The following ANK1 variants were observed in gnomAD, a reference collection of about 807,000 sequenced individuals.
ANK1 encodes the protein ankyrin-1.
In ANK1, 51 loss-of-function variants were observed where a neutral mutation model predicts 210.4. The ratio of observed to expected loss-of-function variants is 0.24; its 90% CI spans 0.19 to 0.31. The LOEUF (loss-of-function observed/expected upper bound fraction) is 0.31. Ranked by LOEUF, ANK1 falls within the 10% of genes least tolerant of loss-of-function variation. The probability of loss-of-function intolerance (pLI) is 1.00; values close to 1 mark genes in which losing one functional copy is unlikely to be tolerated. For synonymous variants in ANK1, 967 were observed against 1,025.9 expected, an observed-to-expected ratio of 0.94 and a Z score of 1.10; for missense variants, 2,051 against 2,504.4, an observed-to-expected ratio of 0.82 and a Z score of 3.86.
chr8:41,758,283 C>T, intron 1 of ANK1, 146 bp from the exon 2 acceptor site: 2 of 765,816 alleles, frequency 2.6e-6, no homozygotes, highest in Non-Finnish European at 4.7e-6. Flanking sequence ...TGCACAGGAG[C>T]CTGAGAGCCC....
chr8:41,691,029 C>G (rs996688181), intron 31 of ANK1, among the ~76,000 whole-genome samples: 1 of 152,162 alleles, frequency 6.6e-6, no homozygotes, highest in South Asian at 2.1e-4. Context: ...TTGAGACCAG[C>G]CTGGGCAACA....
At chr8:41,785,669 C>T (rs1846195697) in intron 1 of ANK1, among the ~76,000 whole-genome samples, 1 of 152,220 alleles carries the variant, frequency 6.6e-6, no homozygotes, top group Non-Finnish European at 1.5e-5. Flanking sequence ...CCCCTGCTCG[C>T]TGCGCATCCC....
At chr8:41,739,287 T>C (rs1301273817) in intron 2 of ANK1, among the ~76,000 whole-genome samples, 2 of 152,254 alleles carry the variant, frequency 1.3e-5, no homozygotes, top group Non-Finnish European at 1.5e-5. Context: ...TCTGAGAAAG[T>C]GTCTTTTGTT....
chr8:41,668,071 G>A (rs373313049), intron 39 of ANK1, among the ~76,000 whole-genome samples, 196 bp downstream of exon 39: 4 of 152,344 alleles, frequency 2.6e-5, no homozygotes, highest in South Asian at 4.1e-4. Flanking sequence ...AGGTACAGGC[G>A]CCTTAGCAGG....
chr8:41,768,155 A>C (rs572833053), intron 1 of ANK1, among the ~76,000 whole-genome samples: 2 of 152,336 alleles, frequency 1.3e-5, no homozygotes, highest in African/African-American at 4.8e-5. Context: ...GGCAGATGTC[A>C]AAACCCATGT....
intron 1 of ANK1, among the ~76,000 whole-genome samples, chr8:41,768,520 A>G (rs1649828104): frequency 6.6e-6 from 1 of 152,228 alleles, no homozygotes; most frequent in Admixed American, 6.5e-5. Context: ...AGTTGGATAA[A>G]TGAAGAAACT....
chr8:41,715,595 C>G, intron 14 of ANK1, 57 bp downstream of exon 14: 9 of 1,600,324 alleles, frequency 5.6e-6, no homozygotes, highest in Non-Finnish European at 6.8e-6. Context: ...CCTCCGAGCT[C>G]CAGGCCTGGC....
At chr8:41,871,859 C>T (rs1334211501) in intron 1 of ANK1, among the ~76,000 whole-genome samples, 2 of 152,212 alleles carry the variant, frequency 1.3e-5, no homozygotes, top group Non-Finnish European at 2.9e-5. Flanking sequence ...GAGCAGAGGG[C>T]AAGGGCTTGC....
intron 1 of ANK1, among the ~76,000 whole-genome samples, chr8:41,888,111 C>G (rs546863420): frequency 6.6e-6 from 1 of 152,236 alleles, no homozygotes; most frequent in African/African-American, 2.4e-5. Flanking sequence ...CCCGCAGCTG[C>G]CCCTGCTATC....
chr8:41,674,246 G>T (rs1055940315), intron 37 of ANK1, among the ~76,000 whole-genome samples: 1 of 152,154 alleles, frequency 6.6e-6, no homozygotes, highest in Non-Finnish European at 1.5e-5. Context: ...AGAGAGGTCC[G>T]ATTACATGCC....
Position 41,718,122 on chromosome 8 carries a change from A to G in ANK1, c.1190T>C (p.Ile397Thr). ...MELLLKTGAS[I>T]DAVTESGLTP... ...CTCTCCTACCTCGGTGACCGCGTCG[A>G]TCGAGGCTCCCGTCTTCAGCAGCAG... Residue 397 changes from isoleucine to threonine, a missense_variant, in exon 11 of 43, where the codon ATC becomes ACC. Physicochemically the swap from Ile to Thr is moderately conservative, Grantham distance 89. This residue lies in a region of ANK1 where 1,413 missense variants were observed against 1,707.4 expected (regional missense o/e 0.83). Transcript: ENST00000289734. The G allele has an allele frequency of 6.2e-7, 1 of 1,613,968 alleles. No individual in the cohort carries two copies. Among genetic ancestry groups the G allele is most frequent in the South Asian group, 1.1e-5 (1 of 91,080 alleles).
chr8:41,664,964 G>A lies in ANK1; in HGVS notation c.5395-1222C>T, dbSNP rs747369392. 1.9e-6 allele frequency: 3 copies of A among 1,614,236 alleles called. No individual in the cohort carries two copies. The highest frequency in any genetic ancestry group is 2.5e-6 in the Non-Finnish European group (3 of 1,180,054). ...CAATGTGCATCACGTTCTGACAGCTGACCAGGAAGAAGCTCAGCAGCACCA... is the reference window on the plus strand; with the variant it reads ...CAATGTGCATCACGTTCTGACAGCTAACCAGGAAGAAGCTCAGCAGCACCA... On this transcript the variant is annotated intron_variant, in intron 39 of 42. Transcript: ENST00000289734.
chr8:41,697,769 C>T, intron 24 of ANK1: 1 of 533,334 alleles, frequency 1.9e-6, no homozygotes, highest in East Asian at 3.5e-5. Context: ...CAAGGACCCA[C>T]TGGTTTCTCA....
At chr8:41,728,602 G>T (rs1443507937) in intron 3 of ANK1, among the ~76,000 whole-genome samples, 1 of 152,208 alleles carries the variant, frequency 6.6e-6, no homozygotes, top group African/African-American at 2.4e-5. Flanking sequence ...ACTGGCTGGT[G>T]TGATTGGAGT....
chr8:41,755,021 T>C (rs1196039907), intron 2 of ANK1, among the ~76,000 whole-genome samples: 1 of 152,230 alleles, frequency 6.6e-6, no homozygotes, highest in African/African-American at 2.4e-5. Context: ...CTGACGCTCA[T>C]TTCATAACTT....
intron 1 of ANK1, among the ~76,000 whole-genome samples, chr8:41,817,292 A>G (rs1250789591): frequency 6.6e-6 from 1 of 152,108 alleles, no homozygotes; most frequent in Non-Finnish European, 1.5e-5. Flanking sequence ...ATCTATTAAA[A>G]CTTTTCCTTC....
chr8:41,707,949 T>C (rs1474232376), intron 17 of ANK1, among the ~76,000 whole-genome samples: 5 of 152,160 alleles, frequency 3.3e-5, no homozygotes, highest in African/African-American at 1.2e-4. Context: ...GTTCCACGTA[T>C]ATGAAATGTC....
In ANK1 at chr8:41,697,847, T is replaced by C. The variant is rs185890837; in HGVS notation, c.2637+196A>G. The C allele has an allele frequency of 3.0e-4, 201 of 666,972 alleles. No individual in the cohort carries two copies. The African/African-American group carries it at 3.4e-3, about 11-fold the overall frequency. 41.3% of individuals were successfully genotyped at this position (666,972 alleles called of 1,614,324 possible). A position where few individuals can be genotyped will look rare whatever the true frequency, so the allele number is the denominator to read the frequency against. On this transcript the variant is annotated intron_variant, in intron 24 of 42. Transcript: ENST00000289734. Reference sequence around the variant, plus strand: ...GGAAAGGGCCCCATCTGACCATCTCTTCCAGACGCCGCCCACCCAGCGCCA... The same window carrying C: ...GGAAAGGGCCCCATCTGACCATCTCCTCCAGACGCCGCCCACCCAGCGCCA...
intron 1 of ANK1, among the ~76,000 whole-genome samples, chr8:41,819,661 C>CA (rs1289009531): frequency 6.6e-6 from 1 of 152,180 alleles, no homozygotes; most frequent in Non-Finnish European, 1.5e-5. Context: ...CCTCTGAAGA[C>CA]AAACTCCCCT....
Sources: gnomAD v4.1 joint callset for allele counts (sites outside exome capture counted in the v4.1 genomes callset) on GRCh38, gnomAD v4.1.1 for gene constraint, gnomAD v4.1.1 regional missense constraint, MANE v1.5 for transcripts, NCBI Gene and HGNC (gene_info 2026-07-23, HGNC 2026-07-21) for gene names.